HIP1R: variants seen among roughly 807,000 people sequenced by gnomAD.
The protein encoded by HIP1R is huntingtin interacting protein 1 related.
Under a neutral mutation model 144.2 loss-of-function variants are expected in HIP1R, and 135 were observed. That is an observed-to-expected ratio of 0.94 (90% CI 0.81 to 1.08). The LOEUF (loss-of-function observed/expected upper bound fraction) is 1.08. Among genes scored for constraint, HIP1R ranks in the 50% least tolerant of loss-of-function variants. The pLI, the probability that HIP1R is intolerant of heterozygous loss-of-function variation, is 0.00. For synonymous variants in HIP1R, 698 were observed against 612.8 expected (o/e 1.14, Z -2.05); for missense variants, 1,462 against 1,432.8 (o/e 1.02, Z -0.33).
intron 1 of HIP1R, among the ~76,000 whole-genome samples, chr12:122,837,605 CCT>C (rs1458261624): frequency 6.6e-6 from 1 of 152,172 alleles, no homozygotes; most frequent in African/African-American, 2.4e-5. Flanking sequence ...ATTACAGGCA[CCT>C]CTCCGAAGGT....
At position 122,861,173 on chromosome 12, in the gene HIP1R, A is replaced by G. The variant is rs1445258952; in HGVS notation, c.2933A>G (p.Lys978Arg). ...FSGLSLIKLKKQEMETQVRVL... is the reference protein window; with the variant it reads ...FSGLSLIKLKRQEMETQVRVL... ...GGCCTGTCCCTCATCAAGCTGAAGA[A>G]GCAGGAGATGGAGACCCAGGTAGGC... The change falls in exon 30 of 32, where the codon AAG (lysine) becomes AGG (arginine). Residue 978 changes from lysine to arginine, a missense_variant. Around this residue, in one of 2 missense-constraint regions of HIP1R, gnomAD observed 1,112 missense variants for 1,011.7 expected, o/e 1.10. Transcript: ENST00000253083. 2.5e-6 allele frequency: 4 copies of G among 1,609,138 alleles called. No individual in the cohort carries two copies. Among genetic ancestry groups the G allele is most frequent in the East Asian group, 2.2e-5 (1 of 44,592 alleles).
intron 1 of HIP1R, among the ~76,000 whole-genome samples, chr12:122,845,498 G>C (rs530579797): frequency 2.6e-5 from 4 of 152,328 alleles, no homozygotes; most frequent in South Asian, 4.1e-4. Flanking sequence ...CAGGCGCACA[G>C]GAGACCATGC....
chr12:122,849,780 G>A, intron 4 of HIP1R, 95 bp from the exon 5 acceptor site: 1 of 782,206 alleles, frequency 1.3e-6, no homozygotes, highest in East Asian at 2.5e-5. Flanking sequence ...GAATGAAGAA[G>A]TGCCCGGTGG....
chr12:122,849,759 A>G (rs928942825), intron 4 of HIP1R, 116 bp from the exon 5 acceptor site: 1 of 677,762 alleles, frequency 1.5e-6, no homozygotes, highest in East Asian at 2.6e-5. Context: ...GGCCAGGAGA[A>G]GACGTTTGTT....
chr12:122,844,860 G>A (rs2033163811), intron 1 of HIP1R, among the ~76,000 whole-genome samples: 1 of 152,204 alleles, frequency 6.6e-6, no homozygotes, highest in Non-Finnish European at 1.5e-5. Context: ...GAGCTGCTGG[G>A]GTTGTTCTGC....
chr12:122,849,063 G>T (rs3896871), intron 4 of HIP1R, among the ~76,000 whole-genome samples: 127,322 of 151,934 alleles, frequency 0.84, 53,674 homozygotes, highest in Middle Eastern at 0.91. Flanking sequence ...GCCCTCCAGC[G>T]TCGAAGTCAC....
In HIP1R at chr12:122,853,070, G is replaced by A. The variant is rs12578474; in HGVS notation, c.578-973G>A. ...GGGCCAGGGCACAGGTCTGTGCAGC[G>A]GGGGCTGTCTGGCCGCTCTCCCGTG... On this transcript the variant is annotated intron_variant, in intron 7 of 31. Transcript: ENST00000253083. Among the ~76,000 whole-genome samples the A allele has an allele frequency of 3.9e-3, 588 of 152,212 alleles. 2 individuals are homozygous for A. The highest frequency in any genetic ancestry group is 0.016 in the East Asian group (83 of 5,166).
chr12:122,836,161 T>A lies in HIP1R; in HGVS notation c.93+518T>A, dbSNP rs2032889351. 6.6e-6 allele frequency among the ~76,000 whole-genome samples: 1 copy of A among 151,742 alleles called. No individual in the cohort carries two copies. The highest frequency in any genetic ancestry group is 6.6e-5 in the Admixed American group (1 of 15,254). ...ACCGATGCCCCCACGGGCAATTTCC[T>A]TAAAGGAAATTCCTTAAACTCCCAG... On this transcript the variant is annotated intron_variant, in intron 1 of 31. Transcript: ENST00000253083. The surrounding 1 kb of genome is among the most constrained non-coding windows in gnomAD (Gnocchi z 4.1).
chr12:122,851,141 G>C (rs1450058804), intron 6 of HIP1R, 95 bp from the exon 7 acceptor site: 2 of 1,129,400 alleles, frequency 1.8e-6, no homozygotes, highest in South Asian at 3.2e-5. Context: ...CCATGGTGTC[G>C]GCGGTGCCCC....
intron 27 of HIP1R, 33 bp downstream of exon 27, chr12:122,860,556 C>A: frequency 6.3e-7 from 1 of 1,587,858 alleles, no homozygotes; most frequent in Non-Finnish European, 8.6e-7. Flanking sequence ...GGGCAGGGGG[C>A]TGCTTCCTGC....
chr12:122,835,609 T>G lies in HIP1R; in HGVS notation c.59T>G (p.Leu20Arg). ...RVLSRRPGHSLEAEREQFDKT... is the reference protein window; with the variant it reads ...RVLSRRPGHSREAEREQFDKT... Reference sequence around the variant, plus strand: ...CTGAGCCGCAGGCCGGGCCACAGCCTGGAGGCCGAGCGCGAGCAGTTCGAC... The same window carrying G: ...CTGAGCCGCAGGCCGGGCCACAGCCGGGAGGCCGAGCGCGAGCAGTTCGAC... The change falls in exon 1 of 32, where the codon CTG (leucine) becomes CGG (arginine). Residue 20 changes from leucine to arginine, a missense_variant. Around this residue, in one of 2 missense-constraint regions of HIP1R, gnomAD observed 350 missense variants for 421.1 expected, o/e 0.83. Coordinates refer to ENST00000253083, the MANE Select transcript of HIP1R (RefSeq NM_003959.3). The G allele has an allele frequency of 7.8e-7, 1 of 1,280,774 alleles. No individual in the cohort carries two copies. Among genetic ancestry groups the G allele is most frequent in the East Asian group, 4.2e-5 (1 of 24,058 alleles). The allele number at this position is 1,280,774 out of a possible 1,614,324, so 79.3% of individuals were successfully genotyped here. A position where few individuals can be genotyped will look rare whatever the true frequency, so the allele number is the denominator to read the frequency against.
At chr12:122,843,527 G>C (rs2033118243) in intron 1 of HIP1R, among the ~76,000 whole-genome samples, 1 of 152,196 alleles carries the variant, frequency 6.6e-6, no homozygotes, top group Non-Finnish European at 1.5e-5. Context: ...GGCGATGCCA[G>C]CTATCCTGAG....
At position 122,856,694 on chromosome 12, in the gene HIP1R, C is replaced by T. The variant is rs369699297; in HGVS notation, c.1588C>T (p.Arg530Cys). Reference sequence around the variant, plus strand: ...GGAGGCCAAGGCCGGAGAGCTGGCCCGCGCGCAGGAGGCCCTGAGCCACAC... The same window carrying T: ...GGAGGCCAAGGCCGGAGAGCTGGCCTGCGCGCAGGAGGCCCTGAGCCACAC... ...ELEAKAGELA[R>C]AQEALSHTEQ... Residue 530 changes from arginine to cysteine, a missense_variant, in exon 17 of 32, where the codon CGC becomes TGC. Physicochemically the swap from Arg to Cys is radical, Grantham distance 180. Transcript: ENST00000253083. The T allele has an allele frequency of 6.5e-5, 104 of 1,591,418 alleles. No individual in the cohort carries two copies. The highest frequency in any genetic ancestry group is 3.9e-4 in the Middle Eastern group (2 of 5,138).
intron 27 of HIP1R, 62 bp downstream of exon 27, chr12:122,860,585 G>A (rs2135679743): frequency 6.4e-7 from 1 of 1,566,584 alleles, no homozygotes; most frequent in Middle Eastern, 1.7e-4. Flanking sequence ...GCAGTTTGGG[G>A]TTCAACAGGG....
chr12:122,841,632 G>T (rs2033063129), intron 1 of HIP1R, among the ~76,000 whole-genome samples: 1 of 152,194 alleles, frequency 6.6e-6, no homozygotes, highest in African/African-American at 2.4e-5. Context: ...TCCTCAAACT[G>T]CAGTAGGTTC....
chr12:122,842,511 G>T (rs1296470503), intron 1 of HIP1R, among the ~76,000 whole-genome samples: 5 of 152,190 alleles, frequency 3.3e-5, no homozygotes, highest in African/African-American at 1.2e-4. Flanking sequence ...GTTGGTTTGG[G>T]CCTAGAGATA....
intron 3 of HIP1R, 24 bp from the exon 4 acceptor site, chr12:122,848,772 A>T (rs779755733): frequency 6.2e-7 from 1 of 1,612,462 alleles, no homozygotes; most frequent in East Asian, 2.2e-5. Flanking sequence ...ACACTCCCCC[A>T]CTCCCGTATT....
intron 20 of HIP1R, 107 bp from the exon 21 acceptor site, chr12:122,858,731 C>G: frequency 1.2e-6 from 1 of 842,702 alleles, no homozygotes; most frequent in Non-Finnish European, 2.0e-6. Flanking sequence ...GCCGAGCCCT[C>G]CTTTCCTCTT....
chr12:122,860,420 TA>T lies in HIP1R; in HGVS notation c.2560-2del, dbSNP rs2033734070. The T allele has an allele frequency of 6.2e-7, 1 of 1,613,050 alleles. No homozygotes were observed. Among genetic ancestry groups the T allele is most frequent in the African/African-American group, 1.3e-5 (1 of 74,882 alleles). On this transcript the variant is annotated splice_acceptor_variant, in intron 26 of 31. Coordinates refer to ENST00000253083, the MANE Select transcript of HIP1R (RefSeq NM_003959.3). LOFTEE classifies it high-confidence loss of function. ...TCCTGCCCTGTTCTCCCGTCGCCAC[TA>T]GGGGGCAGCCACGCAGCAGGAATTT... is the stretch of plus-strand genomic sequence containing the variant.
Sources: gnomAD v4.1 joint callset for allele counts (sites outside exome capture counted in the v4.1 genomes callset) on GRCh38, gnomAD v4.1.1 for gene constraint, gnomAD v4.1.1 regional missense constraint, Gnocchi (gnomAD v3.1) non-coding constraint, MANE v1.5 for transcripts, NCBI Gene and HGNC (gene_info 2026-07-23, HGNC 2026-07-21) for gene names.